HPSE2: variants seen among roughly 807,000 people sequenced by gnomAD.
HPSE2 encodes the protein inactive heparanase-2.
HPSE2 carries 38 observed loss-of-function variants against 60.5 expected under a neutral mutation model. The observed-to-expected ratio is 0.63, with a 90% CI of 0.48 to 0.82. The LOEUF (loss-of-function observed/expected upper bound fraction) is 0.82, where lower values mean the gene tolerates loss of function less well. Among genes scored for constraint, HPSE2 ranks in the 40% least tolerant of loss-of-function variants. The pLI, the probability that HPSE2 is intolerant of heterozygous loss-of-function variation, is 0.00. For synonymous variants in HPSE2, 295 were observed against 293.2 expected, an observed-to-expected ratio of 1.01 and a Z score of -0.06; for missense variants, 713 against 740.4, an observed-to-expected ratio of 0.96 and a Z score of 0.43.
At chr10:98,712,453 T>C (rs1238289140) in intron 5 of HPSE2, among the ~76,000 whole-genome samples, 1 of 152,060 alleles carries the variant, frequency 6.6e-6, no homozygotes, top group African/African-American at 2.4e-5. Flanking sequence ...AAAATTTCCA[T>C]CCTCATCCAC....
chr10:98,642,832 G>A (rs1402613391), intron 6 of HPSE2, among the ~76,000 whole-genome samples: 2 of 152,046 alleles, frequency 1.3e-5, no homozygotes, highest in East Asian at 1.9e-4. Context: ...TGATTCCTGG[G>A]TGCCTTTTCC....
chr10:99,280,845 A>G, the HPSE2 span, among the ~76,000 whole-genome samples: 2 of 152,140 alleles, frequency 1.3e-5, no homozygotes, highest in South Asian at 4.1e-4. Flanking sequence ...CCTGAGGTTC[A>G]GCTACTTTTT....
intron 9 of HPSE2, among the ~76,000 whole-genome samples, chr10:98,557,130 A>G (rs1390191386): frequency 6.6e-6 from 1 of 151,922 alleles, no homozygotes; most frequent in African/African-American, 2.4e-5. Context: ...GGAGAATGGC[A>G]TGAACCCGGG....
intron 2 of HPSE2, among the ~76,000 whole-genome samples, chr10:99,156,065 C>T (rs1477515769): frequency 6.7e-6 from 1 of 149,088 alleles, no homozygotes; most frequent in Non-Finnish European, 1.5e-5. Flanking sequence ...AGTTGAATCT[C>T]TGAATAGACC....
At chr10:98,798,382 G>C (rs1334369683) in intron 3 of HPSE2, among the ~76,000 whole-genome samples, 1 of 152,118 alleles carries the variant, frequency 6.6e-6, no homozygotes, top group Non-Finnish European at 1.5e-5. Context: ...AGAAATCATT[G>C]AAAGGTACAA....
At chr10:99,029,607 G>C (rs527573936) in intron 3 of HPSE2, among the ~76,000 whole-genome samples, 1 of 152,350 alleles carries the variant, frequency 6.6e-6, no homozygotes, top group South Asian at 2.1e-4. Flanking sequence ...CAGAGAGAGA[G>C]AGGAGACAAA....
chr10:99,148,413 T>C (rs1379568507), intron 2 of HPSE2, among the ~76,000 whole-genome samples: 1 of 152,218 alleles, frequency 6.6e-6, no homozygotes, highest in African/African-American at 2.4e-5. Flanking sequence ...TATTTCCAGC[T>C]ATAATAGTCT....
chr10:98,646,941 A>G (rs1392371580), intron 6 of HPSE2, among the ~76,000 whole-genome samples: 1 of 152,240 alleles, frequency 6.6e-6, no homozygotes, highest in Non-Finnish European at 1.5e-5. Flanking sequence ...TTTTCATAGT[A>G]AATAAACATA....
intron 3 of HPSE2, among the ~76,000 whole-genome samples, chr10:98,857,955 T>G (rs1170903569): frequency 6.6e-6 from 1 of 152,174 alleles, no homozygotes; most frequent in Non-Finnish European, 1.5e-5. Flanking sequence ...AATATAATTT[T>G]ATAAAGGAAA....
intron 9 of HPSE2, among the ~76,000 whole-genome samples, 179 bp downstream of exon 9, chr10:98,614,725 G>A (rs1019761284): frequency 3.3e-5 from 5 of 152,018 alleles, no homozygotes; most frequent in Non-Finnish European, 7.4e-5. Context: ...GTGTGTGTGT[G>A]TTGAAGCCAA....
At chr10:98,549,992 A>G (rs1943811871) in intron 9 of HPSE2, among the ~76,000 whole-genome samples, 1 of 152,214 alleles carries the variant, frequency 6.6e-6, no homozygotes, top group Non-Finnish European at 1.5e-5. Flanking sequence ...TTTCCAACTC[A>G]ATCGGGGTCA....
At chr10:99,000,223 C>G (rs933869312) in intron 3 of HPSE2, among the ~76,000 whole-genome samples, 2 of 152,060 alleles carry the variant, frequency 1.3e-5, no homozygotes, top group Admixed American at 6.6e-5. Context: ...CAGACCCAGA[C>G]AACCTTGATG....
Position 99,027,676 on chromosome 10 carries a change from TACCACCACCACC to T in HPSE2, c.610+116550_610+116561del, listed in dbSNP as rs35049969. Among the ~76,000 whole-genome samples the T allele has an allele frequency of 3.3e-3, 461 of 139,354 alleles. 3 individuals are homozygous for T. The highest frequency in any genetic ancestry group is 5.7e-3 in the Admixed American group (80 of 14,038). The allele number at this position is 139,354 out of a possible 152,430, so 91.4% of individuals were successfully genotyped here. ...ACATGACAAACACCACCACCACCACTACCACCACCACCACCACCACCACCACCACCACCACCA... is the reference window on the plus strand; with the variant it reads ...ACATGACAAACACCACCACCACCACTACCACCACCACCACCACCACCACCA... On this transcript the variant is annotated intron_variant, in intron 3 of 11. Coordinates refer to ENST00000370552, the MANE Select transcript of HPSE2 (RefSeq NM_021828.5).
chr10:98,711,722 C>T (rs1470561785), intron 5 of HPSE2, among the ~76,000 whole-genome samples: 1 of 152,098 alleles, frequency 6.6e-6, no homozygotes. Context: ...GGTTTTTGAG[C>T]TTTGTAAATC....
chr10:99,182,187 C>T (rs1055213942), intron 2 of HPSE2, among the ~76,000 whole-genome samples: 1 of 152,182 alleles, frequency 6.6e-6, no homozygotes, highest in Non-Finnish European at 1.5e-5. Flanking sequence ...TAAAAGAGAC[C>T]TCTTTACTTC....
intron 2 of HPSE2, among the ~76,000 whole-genome samples, chr10:99,174,463 A>T (rs984486770): frequency 6.6e-6 from 1 of 152,196 alleles, no homozygotes; most frequent in Non-Finnish European, 1.5e-5. Context: ...CTATGGGAGC[A>T]AGCCTCCCTG....
At chr10:99,154,565 C>G (rs1473640765) in intron 2 of HPSE2, among the ~76,000 whole-genome samples, 48 of 151,140 alleles carry the variant, frequency 3.2e-4, no homozygotes, top group African/African-American at 1.2e-3. Flanking sequence ...GAGATTTTGT[C>G]ACCACCAGGC....
chr10:98,827,778 C>T (rs1394540288), intron 3 of HPSE2, among the ~76,000 whole-genome samples: 6 of 152,152 alleles, frequency 3.9e-5, no homozygotes, highest in Non-Finnish European at 7.3e-5. Context: ...GGCACATATC[C>T]GACCACTATT....
At chr10:98,798,037 C>T (rs1453302072) in intron 3 of HPSE2, among the ~76,000 whole-genome samples, 1 of 151,940 alleles carries the variant, frequency 6.6e-6, no homozygotes, top group African/African-American at 2.4e-5. Flanking sequence ...ATCAAGCTCC[C>T]AAAGGTCAAG....
Sources: allele counts gnomAD v4.1 joint callset (sites outside exome capture counted in the v4.1 genomes callset), GRCh38; gene constraint gnomAD v4.1.1; transcripts MANE v1.5; gene names NCBI Gene and HGNC (gene_info 2026-07-23, HGNC 2026-07-21).